Variants in FRMPD2 observed in about 807,000 individuals in gnomAD.
The protein encoded by FRMPD2 is FERM and PDZ domain-containing protein 2.
In FRMPD2, 96 loss-of-function variants were observed where a neutral mutation model predicts 140.1. That is an observed-to-expected ratio of 0.69 (90% confidence interval 0.58 to 0.81). The LOEUF (loss-of-function observed/expected upper bound fraction) is 0.81, where lower values mean the gene tolerates loss of function less well. Ranked by LOEUF, FRMPD2 falls within the 40% of genes least tolerant of loss-of-function variation. The probability of loss-of-function intolerance (pLI) is 0.00; values close to 1 mark genes in which losing one functional copy is unlikely to be tolerated. For missense variants in FRMPD2, 1,240 were observed against 1,447.4 expected (o/e 0.86, Z 2.32); for synonymous variants, 449 against 547.6 (o/e 0.82, Z 2.52).
intron 13 of FRMPD2, among the ~76,000 whole-genome samples, chr10:48,207,140 C>CTT (rs72320753): frequency 0.044 from 6,209 of 141,246 alleles, 158 homozygotes; most frequent in South Asian, 0.081. Flanking sequence ...TAGAATTTTC[C>CTT]TTTTTTTTTT....
chr10:48,263,844 G>C (rs1840637147), intron 1 of FRMPD2, among the ~76,000 whole-genome samples: 2 of 152,032 alleles, frequency 1.3e-5, no homozygotes, highest in South Asian at 4.1e-4. Flanking sequence ...AATCTTGCAA[G>C]AAAGTAAAAC....
At position 48,237,985 on chromosome 10, in the gene FRMPD2, G is replaced by T. The variant is rs201405607; in HGVS notation, c.921+6C>A. On this transcript the variant is annotated splice_donor_region_variant and intron_variant, in intron 8 of 28. Transcript: ENST00000374201. ...GAGGAGTGTCCTTCAGCCTTATTTT[G>T]CTTACCTTGCTCCTTCTTTGCAGAA... 1 of 1,614,084 alleles carries T rather than the reference G, an allele frequency of 6.2e-7. No individual in the cohort carries two copies. The highest frequency in any genetic ancestry group is 2.2e-5 in the East Asian group (1 of 44,880).
chr10:48,239,609 T>C lies in FRMPD2; in HGVS notation c.784A>G (p.Asn262Asp). 6.2e-7 allele frequency: 1 copy of C among 1,612,622 alleles called. No homozygotes were observed. Among genetic ancestry groups the C allele is most frequent in the Non-Finnish European group, 8.5e-7 (1 of 1,178,672 alleles). The change falls in exon 7 of 29, where the codon AAC becomes GAC. Residue 262 changes from asparagine (N) to aspartate (D), a missense_variant. Around this residue, in one of 6 missense-constraint regions of FRMPD2, gnomAD observed 1,161 missense variants for 1,055.9 expected, o/e 1.10. Transcript: ENST00000374201. ...LTHSHCSLLV[N>D]RALPGADPQD... ...CCTTTAGGCCTTGCTGCTTACCGGT[T>C]AACAAGGAGGCTGCAGTGACTGTGT...
chr10:48,260,023 C>T (rs945082679), intron 1 of FRMPD2, among the ~76,000 whole-genome samples: 7 of 151,822 alleles, frequency 4.6e-5, no homozygotes, highest in African/African-American at 1.7e-4. Context: ...TAATATTGGA[C>T]AGGATATCCA....
At chr10:48,158,963 A>G (rs1837862575) in intron 28 of FRMPD2, 1 of 347,560 alleles carries the variant, frequency 2.9e-6, no homozygotes, top group Admixed American at 3.9e-5. Flanking sequence ...TCCTTTAAAG[A>G]CTTGGGCCAC....
At chr10:48,236,898 T>C (rs1839979612) in intron 8 of FRMPD2, among the ~76,000 whole-genome samples, 1 of 152,120 alleles carries the variant, frequency 6.6e-6, no homozygotes, top group South Asian at 2.1e-4. Flanking sequence ...GCAATAAAAA[T>C]ACTTGAAAAA....
At chr10:48,199,663 C>T (rs1440683293) in intron 15 of FRMPD2, 1 of 152,148 alleles carries the variant, frequency 6.6e-6, no homozygotes, top group African/African-American at 2.4e-5. Context: ...CTGCCTCTTC[C>T]GTAATCTGGT....
rs377766312 is a variant in FRMPD2 at position 48,212,009 on chromosome 10, A to T, written c.1556T>A (p.Met519Lys). ...CCACAGTGCAGAGCTGAGCCGGTGC[A>T]TCTCTGAGACTTCAACCTGGACCCG... ...ALRVQVEVSE[M>K]HRLSSALWGE... is the part of the protein sequence containing the mutation. The change falls in exon 13 of 29, where the codon ATG becomes AAG. Residue 519 changes from methionine (M) to lysine (K), a missense_variant. Met to Lys is a moderately conservative substitution (Grantham distance 95, BLOSUM62 -1). Around this residue, in one of 6 missense-constraint regions of FRMPD2, gnomAD observed 1,161 missense variants for 1,055.9 expected, o/e 1.10. Transcript: ENST00000374201. 1.2e-6 allele frequency: 2 copies of T among 1,614,110 alleles called. No individual in the cohort carries two copies. Among genetic ancestry groups the T allele is most frequent in the African/African-American group, 2.7e-5 (2 of 75,042 alleles).
chr10:48,244,763 T>A, intron 4 of FRMPD2, 21 bp downstream of exon 4: 3 of 1,592,956 alleles, frequency 1.9e-6, no homozygotes, highest in Non-Finnish European at 2.6e-6. Context: ...CGGCAAGACT[T>A]GGAGTATCTT....
intron 14 of FRMPD2, among the ~76,000 whole-genome samples, chr10:48,204,463 A>C (rs1839159273): frequency 6.6e-6 from 1 of 152,238 alleles, no homozygotes; most frequent in Non-Finnish European, 1.5e-5. Context: ...TCAATCCACC[A>C]TGCTAGAAGA....
rs772578849 is a variant in FRMPD2, at chr10:48,206,844, G to T, written c.1701C>A (p.Ile567=). The change falls in exon 14 of 29, where the codon ATC becomes ATA. Residue 567 remains isoleucine, a synonymous_variant. Transcript: ENST00000374201. The part of the protein sequence containing the change: ...RRPEEEMALG[I]CAKGVIVYEV... ...CATAGACTATGACACCCTTGGCACA[G>T]ATCCCCAGGGCCATCTCCTCTTCTG... is the stretch of plus-strand genomic sequence containing the variant. 1.2e-6 allele frequency: 2 copies of T among 1,613,930 alleles called. No homozygotes were observed. Among genetic ancestry groups the T allele is most frequent in the South Asian group, 2.2e-5 (2 of 91,078 alleles).
chr10:48,227,393 C>G (rs1352354719), intron 10 of FRMPD2, among the ~76,000 whole-genome samples: 4 of 152,206 alleles, frequency 2.6e-5, no homozygotes, highest in Non-Finnish European at 5.9e-5. Context: ...AGGTTTGCAT[C>G]AGATGGCGAG....
intron 8 of FRMPD2, 56 bp from the exon 9 acceptor site, chr10:48,236,609 C>A: frequency 1.3e-6 from 2 of 1,536,896 alleles, no homozygotes; most frequent in South Asian, 2.2e-5. Flanking sequence ...GGCTTTGGGT[C>A]TGGGCTTCCC....
chr10:48,182,948 C>T (rs771244784), intron 20 of FRMPD2, among the ~76,000 whole-genome samples: 4 of 152,192 alleles, frequency 2.6e-5, no homozygotes, highest in Non-Finnish European at 5.9e-5. Context: ...ATCCAACAGA[C>T]AGCAAGCCAG....
At chr10:48,243,529 C>G (rs913265773) in intron 4 of FRMPD2, among the ~76,000 whole-genome samples, 15 of 152,242 alleles carry the variant, frequency 9.9e-5, no homozygotes, top group African/African-American at 3.6e-4. Context: ...AGTGCAGGAC[C>G]CTGTGCTATG....
At chr10:48,181,715 C>T (rs72792220) in intron 20 of FRMPD2, among the ~76,000 whole-genome samples, 26,969 of 151,418 alleles carry the variant, frequency 0.18, 2,918 homozygotes, top group East Asian at 0.43. Context: ...CCTAAATTTT[C>T]CTGTATCTAA....
At chr10:48,218,757 G>C (rs1839511822) in intron 12 of FRMPD2, among the ~76,000 whole-genome samples, 1 of 152,184 alleles carries the variant, frequency 6.6e-6, no homozygotes, top group Admixed American at 6.5e-5. Flanking sequence ...GGAGAGCACA[G>C]CTCAGAGACA....
intron 9 of FRMPD2, among the ~76,000 whole-genome samples, chr10:48,236,144 T>C (rs1839961788): frequency 6.6e-6 from 1 of 152,052 alleles, no homozygotes; most frequent in Admixed American, 6.5e-5. Context: ...CGCCTCCTTC[T>C]AGAATGTAAT....
At chr10:48,179,876 T>C (rs1838499718) in intron 21 of FRMPD2, among the ~76,000 whole-genome samples, 1 of 152,226 alleles carries the variant, frequency 6.6e-6, no homozygotes, top group South Asian at 2.1e-4. Context: ...TAAGGGAGGA[T>C]AGGTCGTGGG....
Sources: allele counts gnomAD v4.1 joint callset (sites outside exome capture counted in the v4.1 genomes callset), GRCh38; gene constraint gnomAD v4.1.1; regional missense constraint gnomAD v4.1.1; transcripts MANE v1.5; gene names NCBI Gene and HGNC (gene_info 2026-07-23, HGNC 2026-07-21).